Variants in KIF6 observed in about 807,000 individuals in gnomAD.
The protein encoded by KIF6 is kinesin family member 6.
Under a neutral mutation model 112.7 loss-of-function variants are expected in KIF6, and 106 were observed. The observed-to-expected ratio is 0.94, with a 90% confidence interval of 0.80 to 1.11. The LOEUF is 1.11. Ranked by LOEUF, KIF6 falls within the 50% of genes least tolerant of loss-of-function variation. The probability of loss-of-function intolerance (pLI) is 0.00; values close to 1 mark genes in which losing one functional copy is unlikely to be tolerated. For missense variants in KIF6, 929 were observed against 964.0 expected (o/e 0.96, Z 0.48); for synonymous variants, 339 against 339.9 (o/e 1.00, Z 0.03).
chr6:39,455,031 G>A (rs1423196201), intron 13 of KIF6, among the ~76,000 whole-genome samples: 1 of 149,948 alleles, frequency 6.7e-6, no homozygotes, highest in East Asian at 2.0e-4. Flanking sequence ...GCTCAAGGAG[G>A]CCTGCCTGCC....
At chr6:39,434,191 A>G (rs1473596558) in intron 13 of KIF6, among the ~76,000 whole-genome samples, 2 of 152,186 alleles carry the variant, frequency 1.3e-5, no homozygotes, top group African/African-American at 2.4e-5. Context: ...TGTGCTAGGC[A>G]TGTGACAGAG....
chr6:39,432,785 T>G (rs1771252772), intron 13 of KIF6, among the ~76,000 whole-genome samples: 1 of 152,148 alleles, frequency 6.6e-6, no homozygotes, highest in Non-Finnish European at 1.5e-5. Context: ...CTGCACCCAG[T>G]TCTAACAGTG....
chr6:39,678,441 A>G (rs1013454459), intron 3 of KIF6, among the ~76,000 whole-genome samples: 15 of 152,214 alleles, frequency 9.9e-5, no homozygotes, highest in African/African-American at 3.6e-4. Context: ...TAAATATTTC[A>G]CTTACAGATT....
intron 13 of KIF6, among the ~76,000 whole-genome samples, chr6:39,515,103 G>T (rs1216333704): frequency 2.0e-5 from 3 of 152,140 alleles, no homozygotes; most frequent in Non-Finnish European, 4.4e-5. Flanking sequence ...AATTCATGTG[G>T]ATCAGAATGA....
chr6:39,596,004 C>A, intron 7 of KIF6, 50 bp downstream of exon 7: 1 of 1,419,698 alleles, frequency 7.0e-7, no homozygotes, highest in Non-Finnish European at 9.9e-7. Flanking sequence ...AGTATGTGGT[C>A]AACACATGGT....
intron 5 of KIF6, among the ~76,000 whole-genome samples, chr6:39,632,018 T>A (rs569576332): frequency 1.3e-5 from 2 of 152,288 alleles, no homozygotes; most frequent in East Asian, 3.9e-4. Context: ...TTAATTTAGA[T>A]GTCAGTATTT....
At chr6:39,554,348 C>A in intron 10 of KIF6, 1 of 156,014 alleles carries the variant, frequency 6.4e-6, no homozygotes, top group South Asian at 1.8e-4. Context: ...GTAAGAGATT[C>A]ACCTGAACAG....
intron 3 of KIF6, among the ~76,000 whole-genome samples, chr6:39,641,650 A>AT (rs999989883): frequency 1.3e-5 from 2 of 151,734 alleles, no homozygotes; most frequent in Non-Finnish European, 2.9e-5. Flanking sequence ...TAATATATAT[A>AT]AAAAAAAGCC....
chr6:39,699,123 A>G (rs1450314563), intron 3 of KIF6, among the ~76,000 whole-genome samples: 2 of 152,192 alleles, frequency 1.3e-5, no homozygotes, highest in Non-Finnish European at 2.9e-5. Flanking sequence ...AGATCCCTGT[A>G]CTTGTGAAGC....
chr6:39,379,986 A>G (rs1766782147), intron 16 of KIF6, among the ~76,000 whole-genome samples: 1 of 152,234 alleles, frequency 6.6e-6, no homozygotes, highest in Non-Finnish European at 1.5e-5. Context: ...ACATGTAGAG[A>G]ACTTAGTAAC....
rs982720253 is a variant in KIF6, at chr6:39,332,721, G to A, written c.*3811C>T. The A allele has an allele frequency of 2.0e-5, 3 of 152,196 alleles. No homozygotes were observed. The highest frequency in any genetic ancestry group is 4.4e-5 in the Non-Finnish European group (3 of 68,046). The allele number at this position is 152,196 out of a possible 1,614,324, so 9.4% of individuals were successfully genotyped here. ...TTTCTTCACATGCAGATGTTGATCG[G>A]TAGTTAGCTGAAGACTCAAGGGTAA... is the stretch of plus-strand genomic sequence containing the variant. On this transcript the variant is annotated 3_prime_UTR_variant, in exon 23 of 23. Coordinates refer to ENST00000287152, the MANE Select transcript of KIF6 (RefSeq NM_145027.6).
At chr6:39,524,154 G>C (rs1355685869) in intron 13 of KIF6, among the ~76,000 whole-genome samples, 1 of 90,106 alleles carries the variant, frequency 1.1e-5, no homozygotes, top group Non-Finnish European at 2.1e-5. Context: ...GTGTGTGAAA[G>C]AGAGAGAGAG....
At chr6:39,506,589 C>T (rs1776440876) in intron 13 of KIF6, among the ~76,000 whole-genome samples, 1 of 152,090 alleles carries the variant, frequency 6.6e-6, no homozygotes, top group African/African-American at 2.4e-5. Context: ...GCTCCTAAAA[C>T]CCTCGGAATT....
intron 3 of KIF6, among the ~76,000 whole-genome samples, chr6:39,647,781 A>G (rs1426892204): frequency 1.4e-5 from 2 of 147,510 alleles, no homozygotes; most frequent in Non-Finnish European, 3.0e-5. Flanking sequence ...ATCTCAGCTC[A>G]CTGCAACCTC....
At chr6:39,476,452 C>A (rs1288435080) in intron 13 of KIF6, among the ~76,000 whole-genome samples, 2 of 152,086 alleles carry the variant, frequency 1.3e-5, no homozygotes, top group East Asian at 3.9e-4. Flanking sequence ...GATGTGAGAG[C>A]ATACAGAAAC....
intron 13 of KIF6, among the ~76,000 whole-genome samples, chr6:39,498,873 A>C (rs909488212): frequency 7.2e-5 from 11 of 152,218 alleles, no homozygotes; most frequent in Non-Finnish European, 1.2e-4. Context: ...TTGTAGGTAA[A>C]TGAGAGTGGC....
Position 39,720,659 on chromosome 6 carries a change from C to T in KIF6, c.176+43G>A, listed in dbSNP as rs181343258. The stretch of plus-strand genomic sequence containing the variant: ...TATTAATGCAGTACAAGAGTTAGTT[C>T]AATAATGAAACAGAAATGAAAAAAG... On this transcript the variant is annotated intron_variant, in intron 2 of 22. Transcript: ENST00000287152. 37 of 1,012,312 alleles carry T rather than the reference C, an allele frequency of 3.7e-5. No homozygotes were observed. In the Admixed American group the frequency reaches 6.2e-4, roughly 17 times the overall value. The allele number at this position is 1,012,312 out of a possible 1,614,324, so 62.7% of individuals were successfully genotyped here.
intron 3 of KIF6, among the ~76,000 whole-genome samples, chr6:39,641,560 G>A (rs1784900314): frequency 6.6e-6 from 1 of 151,852 alleles, no homozygotes; most frequent in African/African-American, 2.4e-5. Context: ...GAGTTAATGG[G>A]TGCAGCACAC....
chr6:39,422,704 C>T (rs1770461666), intron 14 of KIF6, among the ~76,000 whole-genome samples: 1 of 152,094 alleles, frequency 6.6e-6, no homozygotes, highest in Non-Finnish European at 1.5e-5. Context: ...ATCAGTGCTG[C>T]CACGTTCTTC....
Sources: gnomAD v4.1 joint callset for allele counts (sites outside exome capture counted in the v4.1 genomes callset) on GRCh38, gnomAD v4.1.1 for gene constraint, MANE v1.5 for transcripts, NCBI Gene and HGNC (gene_info 2026-07-23, HGNC 2026-07-21) for gene names.